Variants in PDE4B observed in about 807,000 individuals in gnomAD.
PDE4B encodes 3',5'-cyclic-AMP phosphodiesterase 4B.
PDE4B carries 20 observed loss-of-function variants against 82.2 expected under a neutral mutation model. That is an observed-to-expected ratio of 0.24 (90% CI 0.17 to 0.35). The LOEUF is 0.35. Ranked by LOEUF, PDE4B falls within the 10% of genes least tolerant of loss-of-function variation. The pLI, the probability that PDE4B is intolerant of heterozygous loss-of-function variation, is 1.00. For missense variants in PDE4B, 655 were observed against 907.2 expected (o/e 0.72, Z 3.57); for synonymous variants, 320 against 318.9 (o/e 1.00, Z -0.04).
intron 15 of PDE4B, among the ~76,000 whole-genome samples, 162 bp from the exon 16 acceptor site, chr1:66,368,625 G>A (rs1288745731): frequency 6.6e-6 from 1 of 152,098 alleles, no homozygotes; most frequent in Non-Finnish European, 1.5e-5. Flanking sequence ...ACCCAGGCTA[G>A]CATCATTGTA....
rs112483917 is a variant in PDE4B, at chr1:66,305,974, A to G, written c.635-26534A>G. ...GGGCCGCAGCAGAGGCACCCAATAG[A>G]CTGCGTTTCTGAGTAGGGAGATCCA... On this transcript the variant is annotated intron_variant, in intron 7 of 16. Coordinates refer to ENST00000341517, the MANE Select transcript of PDE4B (RefSeq NM_002600.4). Among the ~76,000 whole-genome samples the G allele has an allele frequency of 2.6e-3, 401 of 152,200 alleles. 3 individuals carry two copies. Among genetic ancestry groups the G allele is most frequent in the African/African-American group, 8.6e-3 (356 of 41,544 alleles).
chr1:66,257,372 A>C (rs1654316696), intron 4 of PDE4B: 2 of 573,838 alleles, frequency 3.5e-6, no homozygotes, highest in Non-Finnish European at 6.6e-6. Context: ...TCTGTTATTT[A>C]ATGGGAATAT....
chr1:66,028,919 C>T (rs1466775377), intron 3 of PDE4B, among the ~76,000 whole-genome samples: 2 of 152,192 alleles, frequency 1.3e-5, no homozygotes, highest in African/African-American at 2.4e-5. Flanking sequence ...CCACATTTTC[C>T]TGTCTTCTTC....
intron 1 of PDE4B, among the ~76,000 whole-genome samples, chr1:65,867,230 G>A (rs941064692): frequency 2.0e-5 from 3 of 151,968 alleles, no homozygotes; most frequent in Admixed American, 6.6e-5. Flanking sequence ...TAAATGAGAC[G>A]ATAAGGACCA....
At chr1:65,954,065 T>G (rs962651963) in intron 3 of PDE4B, among the ~76,000 whole-genome samples, 6 of 152,092 alleles carry the variant, frequency 3.9e-5, no homozygotes, top group Non-Finnish European at 7.4e-5. Flanking sequence ...CCCAGCTTAT[T>G]TTTGTATTTT....
At chr1:65,951,730 A>G (rs766342028) in intron 3 of PDE4B, among the ~76,000 whole-genome samples, 4 of 152,100 alleles carry the variant, frequency 2.6e-5, no homozygotes, top group Admixed American at 6.6e-5. Flanking sequence ...TGACCTCTCC[A>G]AAGGCTCTTT....
chr1:66,266,311 T>G (rs1339641728), intron 7 of PDE4B, among the ~76,000 whole-genome samples: 1 of 152,184 alleles, frequency 6.6e-6, no homozygotes, highest in Non-Finnish European at 1.5e-5. Flanking sequence ...TGTGCAGGCT[T>G]TCAGAATATG....
At chr1:66,303,430 C>T (rs1658051779) in intron 7 of PDE4B, among the ~76,000 whole-genome samples, 1 of 151,590 alleles carries the variant, frequency 6.6e-6, no homozygotes, top group Admixed American at 6.6e-5. Context: ...ACCTCATAGA[C>T]TTTTTGTTTA....
intron 4 of PDE4B, among the ~76,000 whole-genome samples, chr1:66,256,542 G>A (rs1037041686): frequency 6.6e-6 from 1 of 152,112 alleles, no homozygotes; most frequent in Non-Finnish European, 1.5e-5. Context: ...GAAGTTTGGA[G>A]GTTTCTAGCT....
chr1:66,152,525 C>T (rs1159588395), intron 3 of PDE4B: 4 of 327,688 alleles, frequency 1.2e-5, no homozygotes, highest in South Asian at 1.0e-4. Flanking sequence ...AGAAACAGAA[C>T]TGATGAGGTA....
At chr1:66,272,779 CTTTTT>C (rs869201227) in intron 7 of PDE4B, among the ~76,000 whole-genome samples, 4 of 61,658 alleles carry the variant, frequency 6.5e-5, no homozygotes, top group Admixed American at 4.9e-4. Flanking sequence ...TACTAGAATT[CTTTTT>C]TTTTTTTTTT....
At chr1:66,072,732 C>T (rs530889550) in intron 3 of PDE4B, among the ~76,000 whole-genome samples, 3 of 152,140 alleles carry the variant, frequency 2.0e-5, no homozygotes, top group Non-Finnish European at 4.4e-5. Flanking sequence ...AATACCTGCT[C>T]TGTTCTAGGT....
At chr1:66,108,232 C>T (rs922020697) in intron 3 of PDE4B, among the ~76,000 whole-genome samples, 5 of 151,932 alleles carry the variant, frequency 3.3e-5, no homozygotes, top group African/African-American at 9.7e-5. Context: ...CACCTGCCCA[C>T]CCCAGTCCCT....
chr1:65,850,110 C>CTT (rs57662381), intron 1 of PDE4B, among the ~76,000 whole-genome samples: 10,719 of 97,382 alleles, frequency 0.11, 1,339 homozygotes, highest in Non-Finnish European at 0.14. Flanking sequence ...TTGCCCTGCA[C>CTT]TTTTTTTTTT....
intron 3 of PDE4B, among the ~76,000 whole-genome samples, chr1:66,000,289 A>G (rs953835326): frequency 2.0e-5 from 3 of 152,202 alleles, no homozygotes; most frequent in Admixed American, 2.0e-4. Context: ...ATATTTACAT[A>G]GTGTACATTA....
At chr1:66,023,735 T>C (rs572792028) in intron 3 of PDE4B, among the ~76,000 whole-genome samples, 29 of 152,118 alleles carry the variant, frequency 1.9e-4, no homozygotes, top group Non-Finnish European at 3.7e-4. Context: ...CAACATTAGA[T>C]CAACTACCAT....
At chr1:65,966,255 T>G (rs564645811) in intron 3 of PDE4B, among the ~76,000 whole-genome samples, 5 of 151,898 alleles carry the variant, frequency 3.3e-5, no homozygotes, top group Admixed American at 3.3e-4. Context: ...ACACCAATAA[T>G]AGACAAACAG....
intron 3 of PDE4B, among the ~76,000 whole-genome samples, chr1:66,198,694 C>T (rs1431820423): frequency 6.6e-6 from 1 of 152,006 alleles, no homozygotes; most frequent in Non-Finnish European, 1.5e-5. Flanking sequence ...TGTGCCATGT[C>T]GGTGTACTGC....
chr1:66,336,166 G>A (rs1660498180), intron 8 of PDE4B, among the ~76,000 whole-genome samples: 2 of 152,156 alleles, frequency 1.3e-5, no homozygotes, highest in South Asian at 4.1e-4. Flanking sequence ...GCCAACCAAC[G>A]TCATTAGAGG....
Sources: gnomAD v4.1 joint callset for allele counts (sites outside exome capture counted in the v4.1 genomes callset) on GRCh38, gnomAD v4.1.1 for gene constraint, MANE v1.5 for transcripts, NCBI Gene and HGNC (gene_info 2026-07-23, HGNC 2026-07-21) for gene names.